SESTD1: variants seen among roughly 807,000 people sequenced by gnomAD.
The protein encoded by SESTD1 is SEC14 and spectrin domain containing 1, also known as SEC14 domain and spectrin repeat-containing protein 1.
In SESTD1, 43 loss-of-function variants were observed where a neutral mutation model predicts 101.7. The ratio of observed to expected loss-of-function variants is 0.42; its 90% CI spans 0.33 to 0.55. The LOEUF is 0.55. Among genes scored for constraint, SESTD1 ranks in the 20% least tolerant of loss-of-function variants. The pLI is 0.07. For synonymous variants in SESTD1, 283 were observed against 286.8 expected (o/e 0.99, Z 0.13); for missense variants, 647 against 815.1 (o/e 0.79, Z 2.51).
intron 10 of SESTD1, among the ~76,000 whole-genome samples, chr2:179,131,154 A>G (rs1426167737): frequency 2.7e-5 from 4 of 148,312 alleles, no homozygotes; most frequent in Non-Finnish European, 5.9e-5. Flanking sequence ...TTTAGGGTAT[A>G]GTAGTAGATT....
intron 1 of SESTD1, among the ~76,000 whole-genome samples, chr2:179,230,798 C>T (rs1032414617): frequency 1.3e-5 from 2 of 151,240 alleles, no homozygotes; most frequent in African/African-American, 4.9e-5. Context: ...TTTGCAGAAA[C>T]AAAAAAAATC....
chr2:179,143,764 T>A lies in SESTD1; in HGVS notation c.677A>T (p.Asn226Ile). Residue 226 changes from asparagine (N) to isoleucine (I), a missense_variant, in exon 9 of 18, where the codon AAT becomes ATT. Asn to Ile is a moderately radical substitution (Grantham distance 149). Coordinates refer to ENST00000428443, the MANE Select transcript of SESTD1 (RefSeq NM_178123.5). ...LLSELQQRRF[N>I]GSDGGVSWSP... Reference sequence around the variant, plus strand: ...CCATGAAACCCCTCCGTCTGAGCCATTAAATCGACGCTGCTGTAATTCGGA... The same window carrying A: ...CCATGAAACCCCTCCGTCTGAGCCAATAAATCGACGCTGCTGTAATTCGGA... The A allele has an allele frequency of 6.2e-7, 1 of 1,613,982 alleles. No individual in the cohort carries two copies. The highest frequency in any genetic ancestry group is 2.2e-5 in the East Asian group (1 of 44,866).
At chr2:179,260,826 A>T (rs999056510) in intron 1 of SESTD1, among the ~76,000 whole-genome samples, 1 of 152,218 alleles carries the variant, frequency 6.6e-6, no homozygotes, top group Non-Finnish European at 1.5e-5. Flanking sequence ...AAGAAAAAAC[A>T]TTATGAAAAG....
chr2:179,159,495 T>C (rs949342526), intron 5 of SESTD1, among the ~76,000 whole-genome samples: 2 of 152,084 alleles, frequency 1.3e-5, no homozygotes, highest in African/African-American at 2.4e-5. Flanking sequence ...AGGCCTGAAG[T>C]AGAACTGGAA....
At chr2:179,260,732 T>G (rs2047470855) in intron 1 of SESTD1, among the ~76,000 whole-genome samples, 1 of 152,174 alleles carries the variant, frequency 6.6e-6, no homozygotes, top group Non-Finnish European at 1.5e-5. Flanking sequence ...AATATTAGAT[T>G]TATCCTTTGT....
chr2:179,258,681 G>A (rs1248411611), intron 1 of SESTD1, among the ~76,000 whole-genome samples: 5 of 151,996 alleles, frequency 3.3e-5, no homozygotes, highest in African/African-American at 1.2e-4. Context: ...GCACACGCAC[G>A]TGCATGCATG....
chr2:179,198,212 C>A (rs1198204798), intron 1 of SESTD1, among the ~76,000 whole-genome samples: 1 of 151,700 alleles, frequency 6.6e-6, no homozygotes, highest in Non-Finnish European at 1.5e-5. Flanking sequence ...AGAGACAAGG[C>A]CATTACATAA....
chr2:179,199,504 A>C lies in SESTD1; in HGVS notation c.-25-7638T>G, dbSNP rs561661093. 5.9e-5 allele frequency among the ~76,000 whole-genome samples: 9 copies of C among 152,342 alleles called. No homozygotes were observed. The East Asian group carries it at 1.5e-3, about 26-fold the overall frequency. On this transcript the variant is annotated intron_variant, in intron 1 of 17. Coordinates refer to ENST00000428443, the MANE Select transcript of SESTD1 (RefSeq NM_178123.5). ...AAAGCCAGGCAGAGACAAAATCAAA[A>C]AAGAGAATTTTAGACCAATATCCTT...
chr2:179,179,824 C>A (rs2046076495), intron 3 of SESTD1, among the ~76,000 whole-genome samples: 2 of 152,246 alleles, frequency 1.3e-5, no homozygotes, highest in South Asian at 4.1e-4. Flanking sequence ...TGATCCCCCT[C>A]CCAGCACTGT....
intron 1 of SESTD1, among the ~76,000 whole-genome samples, chr2:179,194,713 T>A (rs1053803728): frequency 6.6e-6 from 1 of 152,072 alleles, no homozygotes; most frequent in Non-Finnish European, 1.5e-5. Context: ...ATTCAGAGCA[T>A]GAAAAAGGCC....
rs1301240614 is a variant in SESTD1 at position 179,213,375 on chromosome 2, G to A, written c.-25-21509C>T. Among the ~76,000 whole-genome samples, 6 of 134,570 alleles carry A rather than the reference G, an allele frequency of 4.5e-5. 1 individual carries two copies. Among genetic ancestry groups the A allele is most frequent in the Non-Finnish European group, 8.0e-5 (5 of 62,764 alleles). The allele number at this position is 134,570 out of a possible 152,430, so 88.3% of individuals were successfully genotyped here. On this transcript the variant is annotated intron_variant, in intron 1 of 17. Transcript: ENST00000428443. Reference sequence around the variant, plus strand: ...AGGCACAAGCTTCAATAGCCGATTCGATCAAGTGGAAGAAAGGATATCAGT... The same window carrying A: ...AGGCACAAGCTTCAATAGCCGATTCAATCAAGTGGAAGAAAGGATATCAGT...
intron 1 of SESTD1, among the ~76,000 whole-genome samples, chr2:179,233,423 A>G (rs116541183): frequency 0.03 from 4,602 of 152,224 alleles, 66 homozygotes; most frequent in South Asian, 0.039. Flanking sequence ...GATGGCTGGC[A>G]CAGGAATATG....
intron 1 of SESTD1, among the ~76,000 whole-genome samples, chr2:179,225,837 C>T (rs141891937): frequency 6.6e-6 from 1 of 152,186 alleles, no homozygotes; most frequent in East Asian, 1.9e-4. Flanking sequence ...ACTCAATCAC[C>T]TCCGAAAGGC....
chr2:179,126,171 G>GTATT (rs1379248676), intron 10 of SESTD1, among the ~76,000 whole-genome samples: 1 of 152,078 alleles, frequency 6.6e-6, no homozygotes, highest in Non-Finnish European at 1.5e-5. Flanking sequence ...GGAGTTCTCT[G>GTATT]TATTTACTCT....
At chr2:179,113,631 T>C (rs1196251909) in intron 16 of SESTD1, among the ~76,000 whole-genome samples, 1 of 152,186 alleles carries the variant, frequency 6.6e-6, no homozygotes, top group African/African-American at 2.4e-5. Flanking sequence ...ATTTTAAAAC[T>C]CAAGATTTAA....
chr2:179,211,346 G>A (rs1276221519), intron 1 of SESTD1, among the ~76,000 whole-genome samples: 1 of 133,444 alleles, frequency 7.5e-6, no homozygotes, highest in African/African-American at 3.0e-5. Context: ...AAAAGAGCCT[G>A]CATAGCCAAA....
intron 1 of SESTD1, among the ~76,000 whole-genome samples, chr2:179,194,620 C>T (rs1351295569): frequency 6.6e-6 from 1 of 152,116 alleles, no homozygotes; most frequent in Non-Finnish European, 1.5e-5. Flanking sequence ...GGGAGAACGG[C>T]AATGCCTTAC....
rs141808291 is a variant in SESTD1, at chr2:179,112,646, G to T, written c.1961+78C>A. ...AACCTAATTTACTTGGCTTTTTAAA[G>T]AATAGATTTCCTCTTTTAATGATTT... On this transcript the variant is annotated intron_variant, in intron 17 of 17. Transcript: ENST00000428443. 391 of 1,455,674 alleles carry T rather than the reference G, an allele frequency of 2.7e-4. 1 individual carries two copies. In the African/African-American group the frequency reaches 5.1e-3, roughly 19 times the overall value. The allele number at this position is 1,455,674 out of a possible 1,614,324, so 90.2% of individuals were successfully genotyped here. A position where few individuals can be genotyped will look rare whatever the true frequency, so the allele number is the denominator to read the frequency against.
chr2:179,107,518 T>G lies in SESTD1; in HGVS notation c.*2381A>C, dbSNP rs1286564415. The G allele has an allele frequency of 2.0e-5, 3 of 152,168 alleles. No individual in the cohort carries two copies. Among genetic ancestry groups the G allele is most frequent in the African/African-American group, 7.2e-5 (3 of 41,454 alleles). 9.4% of individuals were successfully genotyped at this position (152,168 alleles called of 1,614,324 possible). Reference sequence around the variant, plus strand: ...CTTAAGAAAAACATTCTAACTACTCTGAAATTCAGAAGAAACAGATATTGA... The same window carrying G: ...CTTAAGAAAAACATTCTAACTACTCGGAAATTCAGAAGAAACAGATATTGA... On this transcript the variant is annotated 3_prime_UTR_variant, in exon 18 of 18. Coordinates refer to ENST00000428443, the MANE Select transcript of SESTD1 (RefSeq NM_178123.5).
Sources: gnomAD v4.1 joint callset for allele counts (sites outside exome capture counted in the v4.1 genomes callset) on GRCh38, gnomAD v4.1.1 for gene constraint, MANE v1.5 for transcripts, NCBI Gene and HGNC (gene_info 2026-07-23, HGNC 2026-07-21) for gene names.